Variants in CPVL observed in about 807,000 individuals in gnomAD.
CPVL encodes probable serine carboxypeptidase CPVL.
In CPVL, 51 loss-of-function variants were observed where a neutral mutation model predicts 63.7. The ratio of observed to expected loss-of-function variants is 0.80; its 90% CI spans 0.64 to 1.01. The LOEUF (loss-of-function observed/expected upper bound fraction) is 1.01, where lower values mean the gene tolerates loss of function less well. Ranked by LOEUF, CPVL falls within the 50% of genes least tolerant of loss-of-function variation. The probability of loss-of-function intolerance (pLI) is 0.00; values close to 1 mark genes in which losing one functional copy is unlikely to be tolerated. For synonymous variants in CPVL, 195 were observed against 206.0 expected (o/e 0.95, Z 0.46); for missense variants, 530 against 573.1 (o/e 0.92, Z 0.77).
chr7:29,123,475 C>A (rs905820249), intron 1 of CPVL, among the ~76,000 whole-genome samples: 2 of 151,032 alleles, frequency 1.3e-5, no homozygotes, highest in Non-Finnish European at 3.0e-5. Flanking sequence ...AGGGTAATGA[C>A]CTCTATGGCA....
intron 3 of CPVL, among the ~76,000 whole-genome samples, chr7:29,104,100 A>G (rs1391279863): frequency 1.3e-5 from 2 of 152,124 alleles, no homozygotes; most frequent in Non-Finnish European, 2.9e-5. Flanking sequence ...TTTTAATTCT[A>G]CACACACACA....
At chr7:29,180,836 T>C (rs1169352775) in intron 5 of CPVL, among the ~76,000 whole-genome samples, 1 of 152,220 alleles carries the variant, frequency 6.6e-6, no homozygotes, top group Non-Finnish European at 1.5e-5. Context: ...ATCATCCGTA[T>C]ACCTCTTGGA....
intron 1 of CPVL, among the ~76,000 whole-genome samples, chr7:29,138,862 C>T (rs548745367): frequency 6.6e-6 from 1 of 152,324 alleles, no homozygotes; most frequent in East Asian, 1.9e-4. Flanking sequence ...GTACCTCTTC[C>T]CTGATCCCTC....
exon 1 of CPVL, chr7:29,195,266 G>A (rs1783535153): frequency 2.5e-6 from 1 of 400,928 alleles, no homozygotes; most frequent in Non-Finnish European, 4.4e-6. Flanking sequence ...CGAGCGAAAA[G>A]CGAAAGGAGC....
chr7:29,064,321 A>G (rs1303121411), intron 10 of CPVL, 87 bp from the exon 11 acceptor site: 1 of 714,400 alleles, frequency 1.4e-6, no homozygotes, highest in Admixed American at 3.3e-5. Context: ...TTCTCATAAC[A>G]TACAACATGG....
chr7:29,194,507 T>G (rs1783359504), intron 1 of CPVL: 1 of 166,572 alleles, frequency 6.0e-6, no homozygotes, highest in South Asian at 2.0e-4. Context: ...CCCGGTCTAC[T>G]CGAAGTGCGG....
At chr7:29,109,637 T>C (rs886488723) in intron 3 of CPVL, among the ~76,000 whole-genome samples, 1 of 152,160 alleles carries the variant, frequency 6.6e-6, no homozygotes, top group Non-Finnish European at 1.5e-5. Flanking sequence ...GGCTGCCACA[T>C]GGTGGTACCC....
intron 5 of CPVL, among the ~76,000 whole-genome samples, chr7:29,176,388 A>G (rs1797348110): frequency 6.6e-6 from 1 of 152,142 alleles, no homozygotes; most frequent in Non-Finnish European, 1.5e-5. Context: ...AAAAAGAAAT[A>G]ATAACTAGAT....
In CPVL at chr7:29,141,967, A is replaced by C. The variant is rs115965498; in HGVS notation, c.-11+4462T>G. 2.5e-3 allele frequency among the ~76,000 whole-genome samples: 383 copies of C among 152,292 alleles called. 2 individuals are homozygous for C. Among genetic ancestry groups the C allele is most frequent in the African/African-American group, 8.3e-3 (343 of 41,558 alleles). On this transcript the variant is annotated intron_variant, in intron 1 of 12. Transcript: ENST00000265394. ...GTGAAAAGATAGACAAGTTCATTAA[A>C]TTACCTGGCTTCTGATCTGCAAGTG... is the stretch of plus-strand genomic sequence containing the variant.
At chr7:29,095,456 T>C (rs1272194522) in intron 4 of CPVL, among the ~76,000 whole-genome samples, 1 of 152,196 alleles carries the variant, frequency 6.6e-6, no homozygotes, top group Non-Finnish European at 1.5e-5. Flanking sequence ...AATATCCATA[T>C]GTCCAATTAA....
At chr7:29,073,690 A>ATAC (rs1477630963) in intron 7 of CPVL, among the ~76,000 whole-genome samples, 10 of 152,124 alleles carry the variant, frequency 6.6e-5, no homozygotes, top group Non-Finnish European at 1.3e-4. Context: ...TATTTCCTTA[A>ATAC]TACTTATCAT....
chr7:29,093,349 C>G (rs1165450096), intron 5 of CPVL, among the ~76,000 whole-genome samples: 3 of 145,356 alleles, frequency 2.1e-5, no homozygotes, highest in African/African-American at 7.6e-5. Context: ...TGCATTCCAG[C>G]CTGGGTGACC....
At chr7:29,063,678 C>G (rs950136731) in intron 11 of CPVL, among the ~76,000 whole-genome samples, 1 of 152,140 alleles carries the variant, frequency 6.6e-6, no homozygotes, top group Non-Finnish European at 1.5e-5. Flanking sequence ...TCAAGTGATT[C>G]TCACGCCTCA....
intron 5 of CPVL, among the ~76,000 whole-genome samples, chr7:29,176,267 A>G (rs1001756376): frequency 6.6e-6 from 1 of 152,174 alleles, no homozygotes; most frequent in African/African-American, 2.4e-5. Flanking sequence ...AGAGAAGTCA[A>G]GAAGGCCAAT....
At chr7:29,019,767 G>C (rs547815995) in intron 12 of CPVL, among the ~76,000 whole-genome samples, 7 of 152,280 alleles carry the variant, frequency 4.6e-5, no homozygotes, top group African/African-American at 1.7e-4. Context: ...GTTCACACGG[G>C]AGTGCTTTTC....
intron 5 of CPVL, among the ~76,000 whole-genome samples, chr7:29,159,402 A>C (rs1794876148): frequency 6.6e-6 from 1 of 152,206 alleles, no homozygotes. Context: ...TCTATACCAG[A>C]ATAATGTTTT....
chr7:29,003,185 CACAGAG>C (rs770069521), intron 12 of CPVL, among the ~76,000 whole-genome samples: 26 of 86,022 alleles, frequency 3.0e-4, no homozygotes, highest in East Asian at 6.6e-4. Context: ...CACACACACA[CACAGAG>C]AGAATAGCAT....
chr7:29,144,209 G>T (rs568761178), intron 1 of CPVL, among the ~76,000 whole-genome samples: 1 of 152,064 alleles, frequency 6.6e-6, no homozygotes, highest in Non-Finnish European at 1.5e-5. Flanking sequence ...TAAAGCCATC[G>T]GAAATGGTAA....
intron 3 of CPVL, among the ~76,000 whole-genome samples, chr7:29,105,691 A>G (rs1471651934): frequency 6.6e-6 from 1 of 152,164 alleles, no homozygotes; most frequent in African/African-American, 2.4e-5. Flanking sequence ...TTCACCTTTA[A>G]TTCTGTTACA....
Sources: allele counts gnomAD v4.1 joint callset (sites outside exome capture counted in the v4.1 genomes callset), GRCh38; gene constraint gnomAD v4.1.1; transcripts MANE v1.5; gene names NCBI Gene and HGNC (gene_info 2026-07-23, HGNC 2026-07-21).